The following CCDC88C variants were observed in gnomAD, a reference collection of about 807,000 sequenced individuals.
CCDC88C encodes protein Daple.
In CCDC88C, 131 loss-of-function variants were observed where a neutral mutation model predicts 198.8. The observed-to-expected ratio is 0.66, with a 90% CI of 0.57 to 0.76. The LOEUF (loss-of-function observed/expected upper bound fraction) is 0.76. CCDC88C is among the 30% of genes least tolerant of loss of function. CCDC88C has a pLI of 0.00. For missense variants in CCDC88C, 2,553 were observed against 2,631.6 expected, an observed-to-expected ratio of 0.97 and a Z score of 0.65; for synonymous variants, 1,166 against 1,114.7, an observed-to-expected ratio of 1.05 and a Z score of -0.92.
intron 12 of CCDC88C, among the ~76,000 whole-genome samples, chr14:91,323,952 G>A (rs1459601222): frequency 1.3e-5 from 2 of 152,218 alleles, no homozygotes; most frequent in Admixed American, 1.3e-4. Context: ...ATATTCACCT[G>A]TTTCCAATAA....
In CCDC88C at chr14:91,368,143, G is replaced by A. The variant is rs568666462; in HGVS notation, c.271-8432C>T. Among the ~76,000 whole-genome samples, 81 of 152,308 alleles carry A rather than the reference G, an allele frequency of 5.3e-4. 1 individual carries two copies. The South Asian group carries it at 8.1e-3, about 15-fold the overall frequency. On this transcript the variant is annotated intron_variant, in intron 3 of 29. Transcript: ENST00000389857. ...ACAGTTTTTAAAAACCTCTTTTGTG[G>A]AGGAGGTGTCTTCTCTGTCTCTTCC... is the stretch of plus-strand genomic sequence containing the variant.
intron 3 of CCDC88C, among the ~76,000 whole-genome samples, chr14:91,399,026 C>T (rs1429290441): frequency 1.3e-5 from 2 of 152,286 alleles, no homozygotes; most frequent in Non-Finnish European, 2.9e-5. Flanking sequence ...CTCCTCTCTG[C>T]GGACCACTCT....
chr14:91,294,030 G>C (rs1890886838), intron 23 of CCDC88C, 143 bp downstream of exon 23: 7 of 841,096 alleles, frequency 8.3e-6, no homozygotes, highest in Non-Finnish European at 3.8e-6. Context: ...GGCAGTCCGT[G>C]CTGGTGATCG....
At chr14:91,348,130 C>G (rs1008049814) in intron 4 of CCDC88C, among the ~76,000 whole-genome samples, 2 of 151,966 alleles carry the variant, frequency 1.3e-5, no homozygotes, top group African/African-American at 4.8e-5. Flanking sequence ...CTCAGCCTCC[C>G]GAGTAGCTGG....
chr14:91,410,313 A>G (rs1005277313), intron 2 of CCDC88C, among the ~76,000 whole-genome samples: 1 of 152,128 alleles, frequency 6.6e-6, no homozygotes, highest in African/African-American at 2.4e-5. Flanking sequence ...CTGTCTTCAC[A>G]GTTTCTTCTG....
At position 91,339,615 on chromosome 14, in the gene CCDC88C, T is replaced by C. The variant is rs996952901; in HGVS notation, c.625-153A>G. ...AAGGTGGGAAAAGGCTGGCATGGGT[T>C]TTGAAAAGAGGTGAAATATTTAGTG... is the stretch of plus-strand genomic sequence containing the variant. On this transcript the variant is annotated intron_variant, in intron 7 of 29. Coordinates refer to ENST00000389857, the MANE Select transcript of CCDC88C (RefSeq NM_001080414.4). The surrounding 1 kb of genome is among the most constrained non-coding windows in gnomAD (Gnocchi z 5.8). Among the ~76,000 whole-genome samples the C allele has an allele frequency of 1.3e-5, 2 of 152,072 alleles. No individual in the cohort carries two copies. Among genetic ancestry groups the C allele is most frequent in the Non-Finnish European group, 2.9e-5 (2 of 68,000 alleles).
intron 3 of CCDC88C, among the ~76,000 whole-genome samples, chr14:91,400,831 T>C (rs755338932): frequency 1.3e-5 from 2 of 152,170 alleles, no homozygotes; most frequent in East Asian, 1.9e-4. Context: ...TGGCAGTAAG[T>C]AGCAAAAATT....
At chr14:91,297,059 T>C (rs971644250) in intron 22 of CCDC88C, among the ~76,000 whole-genome samples, 1 of 152,188 alleles carries the variant, frequency 6.6e-6, no homozygotes, top group African/African-American at 2.4e-5. Context: ...CCGTCCCCAC[T>C]GTGCCTCTCC....
chr14:91,396,904 G>A (rs1028263020), intron 3 of CCDC88C, among the ~76,000 whole-genome samples: 2 of 152,226 alleles, frequency 1.3e-5, no homozygotes, highest in African/African-American at 4.8e-5. Context: ...GGGGGCTGAG[G>A]CAGGAGGATT....
chr14:91,415,114 G>A (rs368494896), intron 2 of CCDC88C, among the ~76,000 whole-genome samples: 2 of 152,200 alleles, frequency 1.3e-5, no homozygotes, highest in South Asian at 2.1e-4. Context: ...AACAGTCTTG[G>A]GCTTGGGTAA....
At chr14:91,319,640 G>A (rs930609375) in intron 13 of CCDC88C, among the ~76,000 whole-genome samples, 3 of 152,162 alleles carry the variant, frequency 2.0e-5, no homozygotes, top group Non-Finnish European at 4.4e-5. Flanking sequence ...CTTTATAACA[G>A]TGCCCTGCTC....
intron 2 of CCDC88C, among the ~76,000 whole-genome samples, chr14:91,415,676 C>T (rs998306969): frequency 3.3e-5 from 5 of 151,452 alleles, no homozygotes; most frequent in South Asian, 2.1e-4. Context: ...GCTGAGATCA[C>T]GCCATTGCAC....
chr14:91,390,408 G>A (rs934024599), intron 3 of CCDC88C, among the ~76,000 whole-genome samples: 1 of 152,220 alleles, frequency 6.6e-6, no homozygotes, highest in Non-Finnish European at 1.5e-5. Context: ...GTGCAACACC[G>A]AAAGTATGCC....
At chr14:91,292,064 G>A (rs951033450) in intron 23 of CCDC88C, among the ~76,000 whole-genome samples, 1 of 152,152 alleles carries the variant, frequency 6.6e-6, no homozygotes, top group Admixed American at 6.5e-5. Flanking sequence ...TACATGAGAG[G>A]TAACAGCTCA....
Position 91,381,060 on chromosome 14 carries a change from G to A in CCDC88C, c.271-21349C>T, listed in dbSNP as rs1884762633. On this transcript the variant is annotated intron_variant, in intron 3 of 29. Transcript: ENST00000389857. This position sits in a 1 kb window ranked among gnomAD's most constrained non-coding sequence, Gnocchi z 4.2. Reference sequence around the variant, plus strand: ...GGACCACAAACAGGGCTGTGAAGCAGTGTGTGCCCTGGTCCACCCTCTGTT... The same window carrying A: ...GGACCACAAACAGGGCTGTGAAGCAATGTGTGCCCTGGTCCACCCTCTGTT... 6.6e-6 allele frequency among the ~76,000 whole-genome samples: 1 copy of A among 152,234 alleles called. No homozygotes were observed. Among genetic ancestry groups the A allele is most frequent in the South Asian group, 2.1e-4 (1 of 4,832 alleles).
Position 91,339,436 on chromosome 14 carries a change from C to G in CCDC88C, c.651G>C (p.Arg217=), listed in dbSNP as rs1893210272. The G allele has an allele frequency of 6.2e-7, 1 of 1,607,982 alleles. No individual in the cohort carries two copies. Among genetic ancestry groups the G allele is most frequent in the East Asian group, 2.2e-5 (1 of 44,680 alleles). ...GTGGATGCTGTGCCTGCAGGTAGTC[C>G]CGTTCCTGAGTGAGGTCCACGATCA... is the stretch of plus-strand genomic sequence containing the variant. ...TELIVDLTQE[R]DYLQAQHPPS... is the part of the protein sequence containing the mutation. Residue 217 remains arginine (R), a synonymous_variant, in exon 8 of 30, where the codon CGG becomes CGC. Coordinates refer to ENST00000389857, the MANE Select transcript of CCDC88C (RefSeq NM_001080414.4). This position sits in a 1 kb window ranked among gnomAD's most constrained non-coding sequence, Gnocchi z 5.8.
chr14:91,372,526 T>G (rs1396109695), intron 3 of CCDC88C, among the ~76,000 whole-genome samples: 9 of 7,292 alleles, frequency 1.2e-3, no homozygotes, highest in African/African-American at 6.5e-3. Flanking sequence ...ATGGCAGTGG[T>G]GCGGGGGGGG....
At chr14:91,366,191 CACACA>C in intron 3 of CCDC88C, among the ~76,000 whole-genome samples, 1 of 148,804 alleles carries the variant, frequency 6.7e-6, no homozygotes. Flanking sequence ...CACACACACA[CACACA>C]CACACAGGGC....
chr14:91,345,183 TATA>T (rs1400208340), intron 4 of CCDC88C, among the ~76,000 whole-genome samples: 17 of 70,184 alleles, frequency 2.4e-4, no homozygotes, highest in Admixed American at 4.4e-4. Flanking sequence ...TATATATATA[TATA>T]TATATTTTTT....
Sources: allele counts gnomAD v4.1 joint callset (sites outside exome capture counted in the v4.1 genomes callset), GRCh38; gene constraint gnomAD v4.1.1; non-coding constraint Gnocchi (gnomAD v3.1); transcripts MANE v1.5; gene names NCBI Gene and HGNC (gene_info 2026-07-23, HGNC 2026-07-21).